NLRP11: variants seen among roughly 807,000 people sequenced by gnomAD.
NLRP11 encodes the protein NLR family pyrin domain containing 11.
In NLRP11, 53 loss-of-function variants were observed where a neutral mutation model predicts 79.3. That is an observed-to-expected ratio of 0.67 (90% CI 0.54 to 0.84). NLRP11 has a LOEUF of 0.84. Ranked by LOEUF, NLRP11 falls within the 40% of genes least tolerant of loss-of-function variation. The pLI is 0.00. For missense variants in NLRP11, 1,264 were observed against 1,255.0 expected (o/e 1.01, Z -0.11); for synonymous variants, 518 against 462.6 (o/e 1.12, Z -1.54).
intron 5 of NLRP11, among the ~76,000 whole-genome samples, 193 bp downstream of exon 5, chr19:55,801,379 T>C (rs1023627234): frequency 6.6e-6 from 1 of 152,042 alleles, no homozygotes; most frequent in Non-Finnish European, 1.5e-5. Flanking sequence ...TTATATGAAA[T>C]ATCAATGTAG....
At chr19:55,796,228 C>T in exon 6 of NLRP11, 1 of 1,613,258 alleles carries the variant, frequency 6.2e-7, no homozygotes, top group Non-Finnish European at 8.5e-7. Context: ...CATTCGCTGG[C>T]TCGCAAATCA....
intron 2 of NLRP11, 42 bp downstream of exon 2, chr19:55,817,862 A>G (rs745757150): frequency 2.0e-6 from 3 of 1,511,158 alleles, no homozygotes; most frequent in Non-Finnish European, 2.7e-6. Context: ...CTTCCTGTGA[A>G]GTGCCCTGAT....
intron 1 of NLRP11, among the ~76,000 whole-genome samples, chr19:55,827,721 A>G (rs2122928596): frequency 6.6e-6 from 1 of 151,904 alleles, no homozygotes; most frequent in Admixed American, 6.6e-5. Flanking sequence ...ATGAGATACC[A>G]TCTCACACCA....
chr19:55,789,487 T>C, intron 7 of NLRP11, 88 bp from the exon 8 acceptor site: 1 of 1,233,252 alleles, frequency 8.1e-7, no homozygotes, highest in East Asian at 2.3e-5. Context: ...GGACCCGTCT[T>C]GTGACATTCA....
rs959395618 is a variant in NLRP11, at chr19:55,822,770, G to A, written c.-62-4534C>T. Among the ~76,000 whole-genome samples the A allele has an allele frequency of 1.1e-4, 16 of 152,014 alleles. 1 individual carries two copies. The highest frequency in any genetic ancestry group is 6.5e-5 in the Admixed American group (1 of 15,270). On this transcript the variant is annotated intron_variant, in intron 1 of 9. Coordinates refer to ENST00000589093, the Ensembl canonical transcript of NLRP11. Reference sequence around the variant, plus strand: ...CTGGCTCGGAGGGTCCTATGCCCACGGAGTCTCGCTGATTGCTAGCACAGC... The same window carrying A: ...CTGGCTCGGAGGGTCCTATGCCCACAGAGTCTCGCTGATTGCTAGCACAGC...
intron 6 of NLRP11, among the ~76,000 whole-genome samples, chr19:55,795,197 G>A (rs1329037795): frequency 6.6e-6 from 1 of 152,004 alleles, no homozygotes; most frequent in African/African-American, 2.4e-5. Context: ...TGCCTTTCTA[G>A]CCACTTTCCC....
At chr19:55,788,889 G>T (rs760440433) in exon 9 of NLRP11, 6 of 1,613,750 alleles carry the variant, frequency 3.7e-6, no homozygotes, top group Non-Finnish European at 5.1e-6. Flanking sequence ...TGATTTTGAA[G>T]CAAGTTGAGT....
At chr19:55,817,825 A>AAAAAC (rs1981290530) in intron 2 of NLRP11, 79 bp downstream of exon 2, 1 of 1,178,192 alleles carries the variant, frequency 8.5e-7, no homozygotes, top group African/African-American at 1.6e-5. Flanking sequence ...ATTTAGAAAA[A>AAAAAC]AAAAAAAAAA....
intron 7 of NLRP11, 48 bp from the exon 8 acceptor site, chr19:55,789,447 G>C: frequency 6.5e-7 from 1 of 1,536,360 alleles, no homozygotes; most frequent in Non-Finnish European, 8.9e-7. Context: ...TGTCTCCAAA[G>C]ATTTATTTCA....
At chr19:55,799,842 T>TA (rs1269402572) in intron 5 of NLRP11, among the ~76,000 whole-genome samples, 1 of 151,894 alleles carries the variant, frequency 6.6e-6, no homozygotes, top group African/African-American at 2.4e-5. Flanking sequence ...TGGCAAGCTC[T>TA]TGTAATGCCA....
intron 9 of NLRP11, among the ~76,000 whole-genome samples, chr19:55,786,107 G>A (rs989508457): frequency 6.6e-6 from 1 of 152,220 alleles, no homozygotes; most frequent in Admixed American, 6.5e-5. Flanking sequence ...AGTAATATTA[G>A]TAGTAACCAA....
At chr19:55,820,089 A>G (rs571166930) in intron 1 of NLRP11, among the ~76,000 whole-genome samples, 1 of 152,294 alleles carries the variant, frequency 6.6e-6, no homozygotes, top group South Asian at 2.1e-4. Context: ...CCAACAAGGT[A>G]AGAACTATGA....
intron 2 of NLRP11, among the ~76,000 whole-genome samples, chr19:55,815,300 G>A (rs931284693): frequency 2.6e-5 from 4 of 152,122 alleles, no homozygotes; most frequent in Admixed American, 6.5e-5. Flanking sequence ...AGGCCGAGGC[G>A]GGCGGATCAC....
intron 5 of NLRP11, among the ~76,000 whole-genome samples, chr19:55,798,977 A>T (rs912599922): frequency 3.9e-5 from 6 of 152,230 alleles, no homozygotes; most frequent in Non-Finnish European, 8.8e-5. Flanking sequence ...TGTCTAAGCC[A>T]GGCCACAAGA....
intron 1 of NLRP11, among the ~76,000 whole-genome samples, chr19:55,822,400 C>A (rs1431704957): frequency 6.6e-6 from 1 of 152,150 alleles, no homozygotes; most frequent in Admixed American, 6.5e-5. Flanking sequence ...TATCAGACTG[C>A]AGGGAGGAGC....
In NLRP11 at chr19:55,804,694, T is replaced by C. The variant is rs77181364; in HGVS notation, c.2004-2955A>G. Among the ~76,000 whole-genome samples the C allele has an allele frequency of 3.2e-3, 488 of 152,242 alleles. 6 individuals are homozygous for C. The East Asian group carries it at 0.039, about 12-fold the overall frequency. ...AGTCTTATAGTCTATATACAAAATA[T>C]GTACGTCAAACCTGTGACACAAGTT... On this transcript the variant is annotated intron_variant, in intron 4 of 9. Transcript: ENST00000589093.
intron 2 of NLRP11, among the ~76,000 whole-genome samples, chr19:55,812,460 C>G (rs766400345): frequency 6.6e-6 from 1 of 152,116 alleles, no homozygotes. Context: ...GTATAAAATA[C>G]GTGTAATTAC....
In NLRP11 at chr19:55,792,557, C is replaced by A. The variant is rs1270452918; in HGVS notation, c.2343-86G>T. On this transcript the variant is annotated intron_variant, in intron 6 of 9. Coordinates refer to ENST00000589093, the Ensembl canonical transcript of NLRP11. ...ACCACCCACCCCACGCCCACGGGCG[C>A]CTCGATGCCTTCTACTGCCATTGCC... The A allele has an allele frequency of 1.0e-5, 10 of 990,490 alleles. No individual in the cohort carries two copies. The South Asian group carries it at 1.3e-4, about 13-fold the overall frequency. The allele number at this position is 990,490 out of a possible 1,614,324, so 61.4% of individuals were successfully genotyped here.
intron 6 of NLRP11, among the ~76,000 whole-genome samples, chr19:55,795,082 T>C (rs1212011196): frequency 6.6e-6 from 1 of 152,178 alleles, no homozygotes; most frequent in Non-Finnish European, 1.5e-5. Flanking sequence ...TTTCTGACCA[T>C]GTTTTACAGA....
Sources: gnomAD v4.1 joint callset for allele counts (sites outside exome capture counted in the v4.1 genomes callset) on GRCh38, gnomAD v4.1.1 for gene constraint, MANE v1.5 for transcripts, NCBI Gene and HGNC (gene_info 2026-07-23, HGNC 2026-07-21) for gene names.